Variants in TMEM67 observed in about 807,000 individuals in gnomAD.
TMEM67 encodes meckelin.
A neutral mutation model predicts 136.6 loss-of-function variants in TMEM67; 124 were observed. The observed-to-expected ratio is 0.91, with a 90% confidence interval of 0.78 to 1.05. The LOEUF (loss-of-function observed/expected upper bound fraction) is 1.05, where lower values mean the gene tolerates loss of function less well. Ranked by LOEUF, TMEM67 falls within the 50% of genes least tolerant of loss-of-function variation. The pLI, the probability that TMEM67 is intolerant of heterozygous loss-of-function variation, is 0.00. For missense variants in TMEM67, 1,107 were observed against 1,178.4 expected (o/e 0.94, Z 0.89); for synonymous variants, 364 against 390.5 (o/e 0.93, Z 0.80).
Position 93,796,695 on chromosome 8 carries a change from GA to G in TMEM67, c.1861-431del, listed in dbSNP as rs557809700. Among the ~76,000 whole-genome samples, 678 of 151,472 alleles carry G rather than the reference GA, an allele frequency of 4.5e-3. 7 individuals are homozygous for G. The highest frequency in any genetic ancestry group is 0.035 in the South Asian group (166 of 4,804). On this transcript the variant is annotated intron_variant, in intron 18 of 27. Coordinates refer to ENST00000453321, the MANE Select transcript of TMEM67 (RefSeq NM_153704.6). ...ATCAGAAATCTGAATAGCAGAAATA[GA>G]AAAAAAAGACAGTAAGAGCATTCGA...
At chr8:93,796,103 G>T in intron 18 of TMEM67, 116 bp downstream of exon 18, 1 of 755,994 alleles carries the variant, frequency 1.3e-6, no homozygotes, top group Non-Finnish European at 2.3e-6. Flanking sequence ...GGTTTTGAAA[G>T]AAAGCATTAA....
chr8:93,755,026 AC>A lies in TMEM67; in HGVS notation c.114del (p.Phe39SerfsTer48), dbSNP rs1390541519. 1.2e-6 allele frequency: 2 copies of A among 1,613,992 alleles called. No individual in the cohort carries two copies. Among genetic ancestry groups the A allele is most frequent in the Non-Finnish European group, 1.7e-6 (2 of 1,180,028 alleles). On this transcript the variant is annotated frameshift_variant, in exon 1 of 28. Transcript: ENST00000453321. LOFTEE classifies it high-confidence loss of function. ...LFLPRFLQAQTFSFPFQQPEK... is the reference protein window; with the variant it reads ...LFLPRFLQAQXFSFPFQQPEK... ...CCTCCCTCGCTTCTTACAGGCCCAG[AC>A]CTTCTCTTTCCCTTTCCAGCAGCCG...
the TMEM67 span, among the ~76,000 whole-genome samples, chr8:93,827,516 G>A: frequency 6.6e-6 from 1 of 151,956 alleles, no homozygotes; most frequent in Non-Finnish European, 1.5e-5. Flanking sequence ...TCCTGCCTCA[G>A]CCTCCTGAAT....
chr8:93,775,726 A>G (rs966834536), intron 7 of TMEM67, among the ~76,000 whole-genome samples: 14 of 152,140 alleles, frequency 9.2e-5, no homozygotes, highest in Middle Eastern at 3.2e-3. Context: ...CTGTTTTGGT[A>G]CCAGAACCAT....
At chr8:93,831,844 T>C in the TMEM67 span, among the ~76,000 whole-genome samples, 4 of 152,184 alleles carry the variant, frequency 2.6e-5, no homozygotes, top group Non-Finnish European at 2.9e-5. Flanking sequence ...CTGCAGCTAT[T>C]GTTCTTCTAC....
chr8:93,778,212 C>A (rs1304021612), intron 7 of TMEM67, among the ~76,000 whole-genome samples: 1 of 152,172 alleles, frequency 6.6e-6, no homozygotes, highest in Non-Finnish European at 1.5e-5. Context: ...CTTGGTATAT[C>A]TTCCTCCATC....
At position 93,786,250 on chromosome 8, in the gene TMEM67, C is replaced by T. The variant is rs771248957; in HGVS notation, c.1316C>T (p.Thr439Ile). ...AGCAACTCTGGAAAGTGGCTTCTAA[C>T]TCGGCGCATTTTCTTAGTGGATGCA... ...QDSNSGKWLL[T>I]RRIFLVDAVS... The change falls in exon 13 of 28, where the codon ACT becomes ATT. Residue 439 changes from threonine to isoleucine, a missense_variant. Around this residue, in one of 3 missense-constraint regions of TMEM67, gnomAD observed 925 missense variants for 1,002.4 expected, o/e 0.92. Coordinates refer to ENST00000453321, the MANE Select transcript of TMEM67 (RefSeq NM_153704.6). 3.7e-6 allele frequency: 6 copies of T among 1,614,040 alleles called. No homozygotes were observed. In the South Asian group the frequency reaches 6.6e-5, roughly 18 times the overall value.
At chr8:93,791,711 T>C (rs1437690842) in intron 15 of TMEM67, among the ~76,000 whole-genome samples, 1 of 152,220 alleles carries the variant, frequency 6.6e-6, no homozygotes, top group East Asian at 1.9e-4. Context: ...GTTTGTCTGG[T>C]ATTTTCCCAT....
chr8:93,799,805 T>G lies in TMEM67; in HGVS notation c.2241+47T>G. 3 of 1,496,502 alleles carry G rather than the reference T, an allele frequency of 2.0e-6. No homozygotes were observed. The South Asian group carries it at 3.4e-5, about 17-fold the overall frequency. The allele number at this position is 1,496,502 out of a possible 1,614,324, so 92.7% of individuals were successfully genotyped here. ...ATTACTTCTAAGTAACATTGCTTCTTTATAACTCTGCCTAATTACTGATTA... is the reference window on the plus strand; with the variant it reads ...ATTACTTCTAAGTAACATTGCTTCTGTATAACTCTGCCTAATTACTGATTA... On this transcript the variant is annotated intron_variant, in intron 21 of 27. Transcript: ENST00000453321.
At chr8:93,776,289 T>A (rs1415214947) in intron 7 of TMEM67, among the ~76,000 whole-genome samples, 2 of 152,180 alleles carry the variant, frequency 1.3e-5, no homozygotes, top group Non-Finnish European at 2.9e-5. Flanking sequence ...CAATCATGTC[T>A]TCTGCAAACA....
At chr8:93,797,097 G>A (rs750279812) in intron 18 of TMEM67, 37 bp from the exon 19 acceptor site, 1 of 1,241,432 alleles carries the variant, frequency 8.1e-7, no homozygotes, top group Non-Finnish European at 1.2e-6. Context: ...CTTAACGCTG[G>A]TACTTTTTCA....
At chr8:93,762,885 A>G in intron 3 of TMEM67, 1 of 380,334 alleles carries the variant, frequency 2.6e-6, no homozygotes. Context: ...TTTTCAGTTA[A>G]CGGTATGCTC....
At chr8:93,830,796 A>G in the TMEM67 span, among the ~76,000 whole-genome samples, 1 of 152,226 alleles carries the variant, frequency 6.6e-6, no homozygotes, top group African/African-American at 2.4e-5. Flanking sequence ...ACAAGATGGT[A>G]TTTTCCTAAC....
chr8:93,788,217 T>C (rs1237443948), intron 14 of TMEM67, among the ~76,000 whole-genome samples: 1 of 152,164 alleles, frequency 6.6e-6, no homozygotes, highest in African/African-American at 2.4e-5. Flanking sequence ...GATCCTGGGA[T>C]ATGCTGAGAT....
rs2130757535 is a variant in TMEM67 at position 93,803,632 on chromosome 8, G to T, written c.2270G>T (p.Arg757Ile). The T allele has an allele frequency of 6.2e-7, 1 of 1,604,330 alleles. No homozygotes were observed. Among genetic ancestry groups the T allele is most frequent in the Non-Finnish European group, 8.5e-7 (1 of 1,171,462 alleles). Residue 757 changes from arginine to isoleucine, a missense_variant, in exon 22 of 28, where the codon AGA becomes ATA. By Grantham distance (97) the Arg-to-Ile change is moderately conservative. This residue lies in a region of TMEM67 where 925 missense variants were observed against 1,002.4 expected (regional missense o/e 0.92). Transcript: ENST00000453321. Reference sequence around the variant, plus strand: ...GTGTTCTTTGCTGTCTTTTATGAGAGATTTATAGAAGATAAAATTCGACAG... The same window carrying T: ...GTGTTCTTTGCTGTCTTTTATGAGATATTTATAGAAGATAAAATTCGACAG... ...QVVFFAVFYE[R>I]FIEDKIRQFV...
downstream of TMEM67, among the ~76,000 whole-genome samples, chr8:93,820,401 G>C (rs1040621355): frequency 6.2e-4 from 95 of 152,250 alleles, no homozygotes; most frequent in African/African-American, 2.3e-3. Flanking sequence ...TCACGTGCAT[G>C]GAGTGTTTAA....
At position 93,766,193 on chromosome 8, in the gene TMEM67, G is replaced by A. The variant is rs189946081; in HGVS notation, c.651+547G>A. Among the ~76,000 whole-genome samples, 49 of 151,926 alleles carry A rather than the reference G, an allele frequency of 3.2e-4. No homozygotes were observed. The East Asian group carries it at 9.1e-3, about 28-fold the overall frequency. ...GGCTGGAGTGCTGTGGTGCAGTCTC[G>A]GCTCACTGCAACCTCCGCCTCCCAG... On this transcript the variant is annotated intron_variant, in intron 6 of 27. Transcript: ENST00000453321.
the TMEM67 span, among the ~76,000 whole-genome samples, chr8:93,825,922 C>T: frequency 2.4e-4 from 37 of 152,214 alleles, no homozygotes; most frequent in Admixed American, 2.3e-3. Flanking sequence ...GTTACAACAT[C>T]GAAGGAGGCT....
chr8:93,774,626 G>T (rs1235974968), intron 7 of TMEM67, among the ~76,000 whole-genome samples: 1 of 152,158 alleles, frequency 6.6e-6, no homozygotes, highest in Non-Finnish European at 1.5e-5. Flanking sequence ...TTCTGTCCTT[G>T]TGATAGTTTA....
Sources: allele counts gnomAD v4.1 joint callset (sites outside exome capture counted in the v4.1 genomes callset), GRCh38; gene constraint gnomAD v4.1.1; regional missense constraint gnomAD v4.1.1; transcripts MANE v1.5; gene names NCBI Gene and HGNC (gene_info 2026-07-23, HGNC 2026-07-21).